The following PRORP variants were observed in gnomAD, a reference collection of about 807,000 sequenced individuals.
PRORP encodes protein only RNase P catalytic subunit, also known as mitochondrial ribonuclease P catalytic subunit.
In PRORP, 51 loss-of-function variants were observed where a neutral mutation model predicts 59.4. That is an observed-to-expected ratio of 0.86 (90% CI 0.69 to 1.08). The LOEUF (loss-of-function observed/expected upper bound fraction) is 1.08, where lower values mean the gene tolerates loss of function less well. PRORP is among the 50% of genes least tolerant of loss of function. The pLI is 0.00. For missense variants in PRORP, 646 were observed against 690.3 expected, an observed-to-expected ratio of 0.94 and a Z score of 0.72; for synonymous variants, 231 against 245.6, an observed-to-expected ratio of 0.94 and a Z score of 0.55.
chr14:35,184,486 C>G (rs2048694921), intron 5 of PRORP, among the ~76,000 whole-genome samples: 2 of 152,268 alleles, frequency 1.3e-5, no homozygotes, highest in African/African-American at 4.8e-5. Context: ...GCTCCACACA[C>G]TGTTACACTG....
intron 5 of PRORP, among the ~76,000 whole-genome samples, chr14:35,227,228 G>A (rs867474398): frequency 9.2e-5 from 14 of 151,810 alleles, no homozygotes; most frequent in South Asian, 6.3e-4. Flanking sequence ...TGGATCACGA[G>A]GTCAGGAGAT....
At chr14:35,248,705 G>A (rs79577309) in intron 5 of PRORP, among the ~76,000 whole-genome samples, 14,241 of 152,264 alleles carry the variant, frequency 0.094, 701 homozygotes, top group African/African-American at 0.12. Flanking sequence ...CCACCTTGGT[G>A]GCATTTTCAG....
At chr14:35,142,036 G>T (rs2047491837) in intron 4 of PRORP, among the ~76,000 whole-genome samples, 1 of 144,998 alleles carries the variant, frequency 6.9e-6, no homozygotes, top group African/African-American at 2.4e-5. Flanking sequence ...CTGCAACCAC[G>T]CCCAGCTAAT....
Position 35,127,618 on chromosome 14 carries a change from C to CTT in PRORP, c.1167+8_1167+9insTT. 6.2e-7 allele frequency: 1 copy of CTT among 1,613,626 alleles called. No homozygotes were observed. Among genetic ancestry groups the CTT allele is most frequent in the Non-Finnish European group, 8.5e-7 (1 of 1,179,818 alleles). ...CAGAAAGACAACACCTCAGGTGAGT[C>CTT]TAACAAGTTTTATTTCTTCTTGGAT... On this transcript the variant is annotated splice_region_variant and intron_variant, in intron 4 of 7. Transcript: ENST00000534898.
intron 4 of PRORP, among the ~76,000 whole-genome samples, chr14:35,174,736 CTTCT>C (rs1566476049): frequency 1.9e-5 from 2 of 107,704 alleles, no homozygotes; most frequent in Non-Finnish European, 4.1e-5. Context: ...ACAGTTCATT[CTTCT>C]TTTTTTTTTC....
chr14:35,270,296 A>G (rs752584055), intron 6 of PRORP, 105 bp from the exon 7 acceptor site: 7 of 1,081,760 alleles, frequency 6.5e-6, no homozygotes, highest in Non-Finnish European at 9.5e-6. Context: ...TTGGTCAAGA[A>G]ATCAGAGGCA....
At chr14:35,222,681 C>T (rs1227460240) in intron 5 of PRORP, 1 of 152,230 alleles carries the variant, frequency 6.6e-6, no homozygotes, top group African/African-American at 2.4e-5. Flanking sequence ...TGCCCAAGTT[C>T]TGATTCTTTG....
At chr14:35,198,446 C>T (rs1165741673) in intron 5 of PRORP, among the ~76,000 whole-genome samples, 1 of 152,152 alleles carries the variant, frequency 6.6e-6, no homozygotes. Flanking sequence ...GCCTCAATAC[C>T]TCAGCAATAA....
At chr14:35,273,025 T>TTTGTTG (rs140178401) in intron 7 of PRORP, among the ~76,000 whole-genome samples, 8 of 152,156 alleles carry the variant, frequency 5.3e-5, no homozygotes, top group Non-Finnish European at 1.0e-4. Flanking sequence ...AACACAGTTT[T>TTTGTTG]TTGTTGTTGT....
rs908354222 is a variant in PRORP, at chr14:35,122,908, C to G, written c.-294-44C>G. The stretch of plus-strand genomic sequence containing the variant: ...GTTCCTTTTCAGGACAGCTGTGATC[C>G]ACGTGAGTAAAACTGGGCGTTCCGT... On this transcript the variant is annotated intron_variant, in intron 1 of 7. Coordinates refer to ENST00000534898, the MANE Select transcript of PRORP (RefSeq NM_014672.4). 5 of 235,774 alleles carry G rather than the reference C, an allele frequency of 2.1e-5. No individual in the cohort carries two copies. In the Admixed American group the frequency reaches 2.5e-4, roughly 12 times the overall value. The allele number at this position is 235,774 out of a possible 1,614,324, so 14.6% of individuals were successfully genotyped here.
chr14:35,244,131 C>T (rs1365725205), intron 5 of PRORP, among the ~76,000 whole-genome samples: 1 of 152,116 alleles, frequency 6.6e-6, no homozygotes, highest in Non-Finnish European at 1.5e-5. Flanking sequence ...CCATTTCTGC[C>T]AAGAAAAGCA....
At chr14:35,179,786 T>C (rs1014340456) in intron 4 of PRORP, among the ~76,000 whole-genome samples, 1 of 152,254 alleles carries the variant, frequency 6.6e-6, no homozygotes, top group African/African-American at 2.4e-5. Context: ...AGGAGCTGCG[T>C]TCCTTTGGAG....
intron 5 of PRORP, among the ~76,000 whole-genome samples, chr14:35,240,023 GGA>G (rs1467504142): frequency 6.6e-6 from 1 of 151,004 alleles, no homozygotes; most frequent in East Asian, 2.0e-4. Flanking sequence ...TGCAGTGAGT[GGA>G]GATCATGCCA....
chr14:35,160,325 C>T (rs1224256988), intron 4 of PRORP, among the ~76,000 whole-genome samples: 1 of 152,210 alleles, frequency 6.6e-6, no homozygotes, highest in African/African-American at 2.4e-5. Context: ...CTGCTTTCCA[C>T]TTGGATAACT....
rs1420367729 is a variant in PRORP at position 35,230,939 on chromosome 14, A to G, written c.1276-35788A>G. Among the ~76,000 whole-genome samples, 5 of 6,150 alleles carry G rather than the reference A, an allele frequency of 8.1e-4. No individual in the cohort carries two copies. In the Admixed American group the frequency reaches 0.015, roughly 18 times the overall value. The allele number at this position is 6,150 out of a possible 152,430, so 4.0% of individuals were successfully genotyped here. ...AACTGTGTAAAGACAGGAAAAGAGA[A>G]CACACACACACACACACACACACAC... On this transcript the variant is annotated intron_variant, in intron 5 of 7. Coordinates refer to ENST00000534898, the MANE Select transcript of PRORP (RefSeq NM_014672.4).
At chr14:35,234,003 G>A (rs542771560) in intron 5 of PRORP, among the ~76,000 whole-genome samples, 1 of 152,128 alleles carries the variant, frequency 6.6e-6, no homozygotes, top group Non-Finnish European at 1.5e-5. Context: ...CTTTCCTTAT[G>A]ATCAAAATAT....
intron 5 of PRORP, among the ~76,000 whole-genome samples, chr14:35,202,887 G>A (rs1278867105): frequency 6.6e-6 from 1 of 152,144 alleles, no homozygotes; most frequent in African/African-American, 2.4e-5. Flanking sequence ...CCTCACCTTA[G>A]CCTCCCAAAG....
At chr14:35,252,219 GT>G (rs2050633429) in intron 5 of PRORP, among the ~76,000 whole-genome samples, 1 of 152,106 alleles carries the variant, frequency 6.6e-6, no homozygotes, top group Non-Finnish European at 1.5e-5. Context: ...AAGCCCAGGA[GT>G]TTGAGTCTAG....
At chr14:35,174,329 A>G (rs2048390747) in intron 4 of PRORP, among the ~76,000 whole-genome samples, 1 of 152,106 alleles carries the variant, frequency 6.6e-6, no homozygotes, top group Admixed American at 6.6e-5. Context: ...GTAGTCCAGT[A>G]CAAACTATTC....
Sources: gnomAD v4.1 joint callset for allele counts (sites outside exome capture counted in the v4.1 genomes callset) on GRCh38, gnomAD v4.1.1 for gene constraint, MANE v1.5 for transcripts, NCBI Gene and HGNC (gene_info 2026-07-23, HGNC 2026-07-21) for gene names.